Variants in USP38 observed in about 807,000 individuals in gnomAD.
The protein encoded by USP38 is ubiquitin specific peptidase 38, also known as ubiquitin carboxyl-terminal hydrolase 38.
Under a neutral mutation model 94.3 loss-of-function variants are expected in USP38, and 49 were observed. That is an observed-to-expected ratio of 0.52 (90% CI 0.41 to 0.66). The LOEUF (loss-of-function observed/expected upper bound fraction) is 0.66, where lower values mean the gene tolerates loss of function less well. Among genes scored for constraint, USP38 ranks in the 30% least tolerant of loss-of-function variants. The pLI, the probability that USP38 is intolerant of heterozygous loss-of-function variation, is 0.00. For missense variants in USP38, 1,128 were observed against 1,229.4 expected (o/e 0.92, Z 1.23); for synonymous variants, 468 against 463.6 (o/e 1.01, Z -0.12).
At chr4:143,195,988 A>C in intron 3 of USP38, 143 bp downstream of exon 3, 1 of 774,342 alleles carries the variant, frequency 1.3e-6, no homozygotes, top group Non-Finnish European at 1.9e-6. Context: ...TAGGCTTTAG[A>C]AATTTTTTTA....
At chr4:143,209,689 G>T in intron 7 of USP38, 32 bp downstream of exon 7, 1 of 1,349,354 alleles carries the variant, frequency 7.4e-7, no homozygotes. Context: ...GTACGTTTAT[G>T]TTAACTGCGT....
Position 143,185,038 on chromosome 4 carries a change from G to T in USP38, c.-413G>T. ...CGGCTTCTTCTCACGACCTGCTGGAGACTGGACGCCCACACCTGACCCGGA... is the reference window on the plus strand; with the variant it reads ...CGGCTTCTTCTCACGACCTGCTGGATACTGGACGCCCACACCTGACCCGGA... On this transcript the variant is annotated 5_prime_UTR_variant, in exon 1 of 10. Coordinates refer to ENST00000307017, the MANE Select transcript of USP38 (RefSeq NM_032557.6). 1 of 174,350 alleles carries T rather than the reference G, an allele frequency of 5.7e-6. No homozygotes were observed. The highest frequency in any genetic ancestry group is 1.8e-4 in the East Asian group (1 of 5,544). 10.8% of individuals were successfully genotyped at this position (174,350 alleles called of 1,614,324 possible).
In USP38 at chr4:143,185,337, C is replaced by A. The variant is rs1227832842; in HGVS notation, c.-114C>A. The A allele has an allele frequency of 8.2e-7, 1 of 1,214,544 alleles. No individual in the cohort carries two copies. Among genetic ancestry groups the A allele is most frequent in the Non-Finnish European group, 1.1e-6 (1 of 893,836 alleles). 75.2% of individuals were successfully genotyped at this position (1,214,544 alleles called of 1,614,324 possible). ...AGGCGGCGGTGGCCGTGGCCCGTCG[C>A]GCTGCTGCTGCGGCGCTCCAAGTTC... On this transcript the variant is annotated 5_prime_UTR_variant, in exon 1 of 10. Transcript: ENST00000307017.
Position 143,185,822 on chromosome 4 carries a change from T to C in USP38, c.372T>C (p.Phe124=), listed in dbSNP as rs1178391409. Residue 124 remains phenylalanine, a synonymous_variant, in exon 1 of 10, where the codon TTT becomes TTC. Transcript: ENST00000307017. The part of the protein sequence containing the change: ...IMSCPSVLDL[F]SLLQVEVLRM... Reference sequence around the variant, plus strand: ...GCTGTCCGTCGGTGCTGGATCTCTTTAGCCTCCTGCAGGTAGAGGTGTTAC... The same window carrying C: ...GCTGTCCGTCGGTGCTGGATCTCTTCAGCCTCCTGCAGGTAGAGGTGTTAC... The C allele has an allele frequency of 4.3e-6, 7 of 1,614,202 alleles. No homozygotes were observed. The highest frequency in any genetic ancestry group is 5.9e-6 in the Non-Finnish European group (7 of 1,180,034).
chr4:143,194,909 T>C (rs1442493552), intron 2 of USP38, among the ~76,000 whole-genome samples: 5 of 150,656 alleles, frequency 3.3e-5, no homozygotes, highest in East Asian at 3.9e-4. Flanking sequence ...TTTTTTTTTT[T>C]CACTAAATTG....
At position 143,185,219 on chromosome 4, in the gene USP38, G is replaced by A; in HGVS notation, c.-232G>A. On this transcript the variant is annotated 5_prime_UTR_variant, in exon 1 of 10. Transcript: ENST00000307017. ...GGAGTACGGGCCTCTGGCGCCTTAG[G>A]CCAGCCGCAGGTGTCGGTTCTTAGG... The A allele has an allele frequency of 4.0e-6, 2 of 504,670 alleles. No homozygotes were observed. Among genetic ancestry groups the A allele is most frequent in the East Asian group, 3.4e-5 (1 of 29,056 alleles). The allele number at this position is 504,670 out of a possible 1,614,324, so 31.3% of individuals were successfully genotyped here. A position where few individuals can be genotyped will look rare whatever the true frequency, so the allele number is the denominator to read the frequency against.
chr4:143,213,705 C>T lies in USP38; in HGVS notation c.1729C>T (p.Arg577Cys), dbSNP rs543110152. Residue 577 changes from arginine (R) to cysteine (C), a missense_variant, in exon 9 of 10, where the codon CGT (arginine) becomes TGT (cysteine). Coordinates refer to ENST00000307017, the MANE Select transcript of USP38 (RefSeq NM_032557.6). Reference sequence around the variant, plus strand: ...AGCAGCAGTACTAACAGAGACCCCTCGTACAAGTGACGGTGAGAAGACTTT... The same window carrying T: ...AGCAGCAGTACTAACAGAGACCCCTTGTACAAGTGACGGTGAGAAGACTTT... ...SKAAVLTETP[R>C]TSDGEKTLIE... is the part of the protein sequence containing the mutation. 2.2e-5 allele frequency: 36 copies of T among 1,613,704 alleles called. No individual in the cohort carries two copies. The highest frequency in any genetic ancestry group is 1.1e-4 in the African/African-American group (8 of 75,002).
rs779638595 is a variant in USP38, at chr4:143,220,501, T to C, written c.*45T>C. 2.1e-5 allele frequency: 32 copies of C among 1,489,622 alleles called. No individual in the cohort carries two copies. The highest frequency in any genetic ancestry group is 2.8e-5 in the Non-Finnish European group (31 of 1,114,574). The allele number at this position is 1,489,622 out of a possible 1,614,324, so 92.3% of individuals were successfully genotyped here. On this transcript the variant is annotated 3_prime_UTR_variant, in exon 10 of 10. Coordinates refer to ENST00000307017, the MANE Select transcript of USP38 (RefSeq NM_032557.6). The stretch of plus-strand genomic sequence containing the variant: ...GCACTGGTCACGAAACGTCTAATAC[T>C]ATGACTGTTAAAATGTCAGACTATA...
Position 143,220,631 on chromosome 4 carries a change from G to T in USP38, c.*175G>T. On this transcript the variant is annotated 3_prime_UTR_variant, in exon 10 of 10. Transcript: ENST00000307017. ...CACATTTATTAACAAAATGCATCAT[G>T]GAAAAAAAAATCTACCTCTTAAAAT... 1.7e-6 allele frequency: 1 copy of T among 597,122 alleles called. No homozygotes were observed. Among genetic ancestry groups the T allele is most frequent in the Non-Finnish European group, 2.2e-6 (1 of 449,452 alleles). The allele number at this position is 597,122 out of a possible 1,614,324, so 37.0% of individuals were successfully genotyped here. A position where few individuals can be genotyped will look rare whatever the true frequency, so the allele number is the denominator to read the frequency against.
At chr4:143,215,241 C>A in intron 9 of USP38, 1 of 348,256 alleles carries the variant, frequency 2.9e-6, no homozygotes, top group Non-Finnish European at 5.3e-6. Context: ...TGGACATATC[C>A]TCCCTCTTCC....
chr4:143,188,834 C>T (rs534198346), intron 2 of USP38, among the ~76,000 whole-genome samples: 5 of 152,100 alleles, frequency 3.3e-5, no homozygotes, highest in African/African-American at 9.6e-5. Flanking sequence ...TCACTGATTC[C>T]AACATGTCTT....
At chr4:143,197,644 C>T (rs1175414019) in intron 3 of USP38, among the ~76,000 whole-genome samples, 179 bp from the exon 4 acceptor site, 1 of 152,196 alleles carries the variant, frequency 6.6e-6, no homozygotes, top group East Asian at 1.9e-4. Context: ...TACCCTTGAT[C>T]TCTGTCACGT....
At chr4:143,192,131 A>G (rs1731412580) in intron 2 of USP38, among the ~76,000 whole-genome samples, 1 of 152,228 alleles carries the variant, frequency 6.6e-6, no homozygotes, top group Non-Finnish European at 1.5e-5. Context: ...GACAGAAACC[A>G]TATCTTACTG....
At chr4:143,197,701 T>TATAAC in intron 3 of USP38, 122 bp from the exon 4 acceptor site, 1 of 642,438 alleles carries the variant, frequency 1.6e-6, no homozygotes, top group Non-Finnish European at 2.7e-6. Context: ...ATATAAGTTA[T>TATAAC]GTTAGAACTT....
intron 2 of USP38, among the ~76,000 whole-genome samples, chr4:143,194,410 C>T (rs1731484518): frequency 6.6e-6 from 1 of 152,178 alleles, no homozygotes; most frequent in Non-Finnish European, 1.5e-5. Context: ...ACCAGTCACT[C>T]TGGCTTCAAA....
At position 143,222,467 on chromosome 4, in the gene USP38, G is replaced by A. The variant is rs954265439; in HGVS notation, c.*2011G>A. 2 of 151,892 alleles carry A rather than the reference G, an allele frequency of 1.3e-5. No homozygotes were observed. The highest frequency in any genetic ancestry group is 2.4e-5 in the African/African-American group (1 of 41,372). The allele number at this position is 151,892 out of a possible 1,614,324, so 9.4% of individuals were successfully genotyped here. On this transcript the variant is annotated 3_prime_UTR_variant, in exon 10 of 10. Coordinates refer to ENST00000307017, the MANE Select transcript of USP38 (RefSeq NM_032557.6). ...TTAGATATGATTGCATAGCACTTAC[G>A]TTGTGCTATGTAGTTGTTATATTGT...
In USP38 at chr4:143,214,869, TGGATAA is replaced by T. The variant is rs1732141056; in HGVS notation, c.2894_2899del (p.Trp965_Asn967delinsTyr). 1.1e-5 allele frequency: 18 copies of T among 1,613,468 alleles called. No individual in the cohort carries two copies. The highest frequency in any genetic ancestry group is 1.4e-5 in the Non-Finnish European group (17 of 1,179,706). ...TGGTAATAACCCAACCAGTGGACTC[TGGATAA>T]ATGGAGACCCACCTCTACAGAAAGA... is the stretch of plus-strand genomic sequence containing the variant. On this transcript the variant is annotated inframe_deletion, in exon 9 of 10. Coordinates refer to ENST00000307017, the MANE Select transcript of USP38 (RefSeq NM_032557.6).
At chr4:143,206,941 C>G (rs1288782640) in intron 6 of USP38, among the ~76,000 whole-genome samples, 1 of 152,144 alleles carries the variant, frequency 6.6e-6, no homozygotes, top group East Asian at 1.9e-4. Context: ...TTCTGCTCCA[C>G]CCCAGGGCAA....
At chr4:143,205,893 G>T (rs576051867) in intron 5 of USP38, 140 bp from the exon 6 acceptor site, 3 of 560,080 alleles carry the variant, frequency 5.4e-6, no homozygotes, top group Non-Finnish European at 8.7e-6. Flanking sequence ...GCCAAGTACT[G>T]CCAGTTACTT....
Sources: allele counts gnomAD v4.1 joint callset (sites outside exome capture counted in the v4.1 genomes callset), GRCh38; gene constraint gnomAD v4.1.1; transcripts MANE v1.5; gene names NCBI Gene and HGNC (gene_info 2026-07-23, HGNC 2026-07-21).